Variants in NAA50 observed in about 807,000 individuals in gnomAD.
NAA50 encodes N-alpha-acetyltransferase 50.
In NAA50, 7 loss-of-function variants were observed where a neutral mutation model predicts 20.7. The observed-to-expected ratio is 0.34, with a 90% CI of 0.19 to 0.63. NAA50 has a LOEUF of 0.63. Among genes scored for constraint, NAA50 ranks in the 30% least tolerant of loss-of-function variants. NAA50 has a pLI of 0.75. For missense variants in NAA50, 111 were observed against 199.1 expected (o/e 0.56, Z 2.66); for synonymous variants, 54 against 70.6 (o/e 0.77, Z 1.18).
chr3:113,727,887 T>C (rs1382637826), intron 1 of NAA50, among the ~76,000 whole-genome samples: 4 of 152,192 alleles, frequency 2.6e-5, no homozygotes, highest in Non-Finnish European at 5.9e-5. Flanking sequence ...AATGTTCACT[T>C]AATGTAACCT....
chr3:113,741,810 T>C (rs1577073736), intron 1 of NAA50, among the ~76,000 whole-genome samples: 1 of 152,312 alleles, frequency 6.6e-6, no homozygotes, highest in East Asian at 1.9e-4. Context: ...ACACCACTAA[T>C]GGCAACACAA....
Position 113,718,846 on chromosome 3 carries a change from T to C in NAA50, c.*2914A>G, listed in dbSNP as rs1330659137. 6.6e-6 allele frequency: 1 copy of C among 152,606 alleles called. No individual in the cohort carries two copies. Among genetic ancestry groups the C allele is most frequent in the African/African-American group, 2.4e-5 (1 of 41,452 alleles). 9.5% of individuals were successfully genotyped at this position (152,606 alleles called of 1,614,324 possible). Reference sequence around the variant, plus strand: ...CTGAATTAGGATGCCTTAATTACACTTGGCCTATTTTAATGATTTTAAAAT... The same window carrying C: ...CTGAATTAGGATGCCTTAATTACACCTGGCCTATTTTAATGATTTTAAAAT... On this transcript the variant is annotated 3_prime_UTR_variant, in exon 5 of 5. Coordinates refer to ENST00000240922, the MANE Select transcript of NAA50 (RefSeq NM_025146.4).
At chr3:113,738,570 T>C (rs1201751834) in intron 1 of NAA50, among the ~76,000 whole-genome samples, 1 of 152,234 alleles carries the variant, frequency 6.6e-6, no homozygotes, top group African/African-American at 2.4e-5. Flanking sequence ...CTAGAATCTT[T>C]GGCCATTCCT....
intron 2 of NAA50, 21 bp downstream of exon 2, chr3:113,723,938 A>G: frequency 7.5e-7 from 1 of 1,330,262 alleles, no homozygotes; most frequent in South Asian, 1.7e-5. Flanking sequence ...AAGGGAGGAC[A>G]AAAAAAAAAC....
At chr3:113,723,232 CA>C (rs1302322300) in intron 3 of NAA50, among the ~76,000 whole-genome samples, 189 bp downstream of exon 3, 3 of 151,936 alleles carry the variant, frequency 2.0e-5, no homozygotes, top group Admixed American at 1.3e-4. Flanking sequence ...ACGTAAACAG[CA>C]AATCTATGTA....
intron 1 of NAA50, among the ~76,000 whole-genome samples, chr3:113,734,240 G>A (rs551304729): frequency 1.3e-5 from 2 of 152,250 alleles, no homozygotes; most frequent in South Asian, 2.1e-4. Context: ...ATATGTGGGA[G>A]CTGAACACTG....
At chr3:113,725,740 C>T (rs940671584) in intron 1 of NAA50, among the ~76,000 whole-genome samples, 1 of 152,022 alleles carries the variant, frequency 6.6e-6, no homozygotes, top group African/African-American at 2.4e-5. Context: ...TGCATTCCAG[C>T]CTGGGTGACA....
In NAA50 at chr3:113,745,884, C is replaced by T. The variant is rs936070492; in HGVS notation, c.8+58G>A. ...TCGCCTTTGCGGCTCTCCCCCTCTA[C>T]ATGGGCCCGGACCCTTCTACCCCAC... On this transcript the variant is annotated intron_variant, in intron 1 of 4. Transcript: ENST00000240922. The T allele has an allele frequency of 1.1e-5, 17 of 1,578,618 alleles. No individual in the cohort carries two copies. The Admixed American group carries it at 2.7e-4, about 25-fold the overall frequency.
At position 113,725,479 on chromosome 3, in the gene NAA50, C is replaced by CA. The variant is rs949412139; in HGVS notation, c.9-1385dup. ...AAATGCAAAAAAACAAAAACAGAAA[C>CA]AAAAAAAAACAGCTGGGCATGAAGG... On this transcript the variant is annotated intron_variant, in intron 1 of 4. Coordinates refer to ENST00000240922, the MANE Select transcript of NAA50 (RefSeq NM_025146.4). Among the ~76,000 whole-genome samples the CA allele has an allele frequency of 8.3e-4, 125 of 150,478 alleles. 1 individual carries two copies. The highest frequency in any genetic ancestry group is 6.8e-3 in the East Asian group (35 of 5,154).
At position 113,718,323 on chromosome 3, in the gene NAA50, T is replaced by G. The variant is rs1708088205; in HGVS notation, c.*3437A>C. Reference sequence around the variant, plus strand: ...GTACAGTCCTGGCTAACAGCTTGACTGCAACCTTCTGAGATCTCAAGACAG... The same window carrying G: ...GTACAGTCCTGGCTAACAGCTTGACGGCAACCTTCTGAGATCTCAAGACAG... On this transcript the variant is annotated 3_prime_UTR_variant, in exon 5 of 5. Transcript: ENST00000240922. 1.3e-5 allele frequency: 2 copies of G among 152,198 alleles called. No homozygotes were observed. Among genetic ancestry groups the G allele is most frequent in the African/African-American group, 4.8e-5 (2 of 41,428 alleles). 9.4% of individuals were successfully genotyped at this position (152,198 alleles called of 1,614,324 possible).
At position 113,716,989 on chromosome 3, in the gene NAA50, T is replaced by A. The variant is rs1216451516; in HGVS notation, c.*4771A>T. On this transcript the variant is annotated 3_prime_UTR_variant, in exon 5 of 5. Coordinates refer to ENST00000240922, the MANE Select transcript of NAA50 (RefSeq NM_025146.4). Reference sequence around the variant, plus strand: ...GAATCAGATCTTGCTGCTATTTTTTTCTTATTCTAGAAGCTACTGAGCAAG... The same window carrying A: ...GAATCAGATCTTGCTGCTATTTTTTACTTATTCTAGAAGCTACTGAGCAAG... 6.6e-6 allele frequency: 1 copy of A among 152,206 alleles called. No homozygotes were observed. Among genetic ancestry groups the A allele is most frequent in the African/African-American group, 2.4e-5 (1 of 41,450 alleles). 9.4% of individuals were successfully genotyped at this position (152,206 alleles called of 1,614,324 possible). A position where few individuals can be genotyped will look rare whatever the true frequency, so the allele number is the denominator to read the frequency against.
intron 1 of NAA50, 150 bp downstream of exon 1, chr3:113,745,792 T>A (rs1296943339): frequency 5.2e-6 from 5 of 964,974 alleles, no homozygotes; most frequent in Non-Finnish European, 7.3e-6. Context: ...CTCCGCCCCC[T>A]CCGGGAGCCG....
intron 1 of NAA50, among the ~76,000 whole-genome samples, chr3:113,735,240 T>C (rs192111712): frequency 3.3e-5 from 5 of 152,124 alleles, no homozygotes; most frequent in Admixed American, 6.5e-5. Context: ...GGAGAGTGAG[T>C]AGTGTTACAA....
At chr3:113,732,750 T>C (rs1321695816) in intron 1 of NAA50, among the ~76,000 whole-genome samples, 2 of 152,214 alleles carry the variant, frequency 1.3e-5, no homozygotes, top group African/African-American at 4.8e-5. Flanking sequence ...TCCAGATAGA[T>C]AATAATTTTT....
intron 1 of NAA50, among the ~76,000 whole-genome samples, chr3:113,726,849 C>T (rs1406091935): frequency 6.6e-6 from 1 of 152,142 alleles, no homozygotes; most frequent in Non-Finnish European, 1.5e-5. Context: ...TGCTCTGTTG[C>T]CCAGGCATAA....
intron 1 of NAA50, chr3:113,741,389 T>C: frequency 5.0e-6 from 1 of 198,514 alleles, no homozygotes; most frequent in Non-Finnish European, 1.0e-5. Context: ...TGAATAGACT[T>C]AAATATAGCT....
intron 4 of NAA50, 22 bp from the exon 5 acceptor site, chr3:113,721,959 GA>G: frequency 1.3e-6 from 2 of 1,584,998 alleles, no homozygotes; most frequent in South Asian, 1.1e-5. Context: ...GAGAGTATCA[GA>G]AAAAAAATTA....
Position 113,724,038 on chromosome 3 carries a change from C to T in NAA50, c.66G>A (p.Leu22=), listed in dbSNP as rs1273569413. The change falls in exon 2 of 5, where the codon TTG becomes TTA. Residue 22 remains leucine, a synonymous_variant. Coordinates refer to ENST00000240922, the MANE Select transcript of NAA50 (RefSeq NM_025146.4). ...AGCTGACTGGAAAGATGACCTGATT[C>T]AATCTTTTCAACTGTTTAATATTGT... is the stretch of plus-strand genomic sequence containing the variant. The part of the protein sequence containing the change: ...TPHNIKQLKR[L]NQVIFPVSYN... 1 of 1,611,258 alleles carries T rather than the reference C, an allele frequency of 6.2e-7. No homozygotes were observed. Among genetic ancestry groups the T allele is most frequent in the Non-Finnish European group, 8.5e-7 (1 of 1,178,822 alleles).
Position 113,721,652 on chromosome 3 carries a change from A to C in NAA50, c.*108T>G. ...AAAGGAAGAAAGAAAAACAAGAACA[A>C]GGAGGGAGAAAAGCTTTAAAAGAAA... On this transcript the variant is annotated 3_prime_UTR_variant, in exon 5 of 5. Transcript: ENST00000240922. 1 of 1,125,894 alleles carries C rather than the reference A, an allele frequency of 8.9e-7. No individual in the cohort carries two copies. Among genetic ancestry groups the C allele is most frequent in the East Asian group, 2.4e-5 (1 of 41,986 alleles). 69.7% of individuals were successfully genotyped at this position (1,125,894 alleles called of 1,614,324 possible).
Sources: allele counts gnomAD v4.1 joint callset (sites outside exome capture counted in the v4.1 genomes callset), GRCh38; gene constraint gnomAD v4.1.1; transcripts MANE v1.5; gene names NCBI Gene and HGNC (gene_info 2026-07-23, HGNC 2026-07-21).